The following IQCM variants were observed in gnomAD, a reference collection of about 807,000 sequenced individuals.
IQCM encodes the protein IQ motif containing M, also known as IQ domain-containing protein M.
A neutral mutation model predicts 57.6 loss-of-function variants in IQCM; 45 were observed. The observed-to-expected ratio is 0.78, with a 90% CI of 0.62 to 1.00. The LOEUF (loss-of-function observed/expected upper bound fraction) is 1.00. Among genes scored for constraint, IQCM ranks in the 50% least tolerant of loss-of-function variants. The probability of loss-of-function intolerance (pLI) is 0.00; values close to 1 mark genes in which losing one functional copy is unlikely to be tolerated. For missense variants in IQCM, 468 were observed against 511.6 expected, an observed-to-expected ratio of 0.91 and a Z score of 0.82; for synonymous variants, 148 against 158.9, an observed-to-expected ratio of 0.93 and a Z score of 0.51.
intron 5 of IQCM, among the ~76,000 whole-genome samples, chr4:149,726,003 G>A (rs1258484882): frequency 6.6e-6 from 1 of 150,536 alleles, no homozygotes; most frequent in Non-Finnish European, 1.5e-5. Flanking sequence ...ACATACCCTA[G>A]GGCTTTAGGC....
chr4:149,440,049 T>C (rs546462172), intron 12 of IQCM, among the ~76,000 whole-genome samples: 1 of 150,210 alleles, frequency 6.7e-6, no homozygotes, highest in African/African-American at 2.4e-5. Flanking sequence ...CTCTGCTTCC[T>C]GGGTTCTAGC....
chr4:149,358,880 A>ATATACTCTCATGAGTATATCATGATAT, intron 13 of IQCM, among the ~76,000 whole-genome samples: 1 of 151,092 alleles, frequency 6.6e-6, no homozygotes, highest in Non-Finnish European at 1.5e-5. Flanking sequence ...GTATATCATG[A>ATATACTCTCATGAGTATATCATGATAT]GACCACAGTG....
intron 12 of IQCM, among the ~76,000 whole-genome samples, chr4:149,507,034 T>A (rs1743892173): frequency 2.0e-5 from 3 of 151,950 alleles, no homozygotes; most frequent in African/African-American, 7.2e-5. Context: ...ATAGTTCTCA[T>A]GAGATCTGAT....
At chr4:149,811,552 A>G (rs1244621547) in intron 2 of IQCM, among the ~76,000 whole-genome samples, 1 of 152,176 alleles carries the variant, frequency 6.6e-6, no homozygotes, top group African/African-American at 2.4e-5. Context: ...ACAATATGTC[A>G]AAGTTTATCT....
chr4:149,626,926 G>GA (rs1387619740), intron 7 of IQCM, among the ~76,000 whole-genome samples: 1 of 151,264 alleles, frequency 6.6e-6, no homozygotes, highest in Non-Finnish European at 1.5e-5. Flanking sequence ...ATCTCCCAAG[G>GA]AAAAAAATAC....
chr4:149,766,940 G>A (rs1770120766), intron 2 of IQCM, among the ~76,000 whole-genome samples: 1 of 151,938 alleles, frequency 6.6e-6, no homozygotes, highest in Admixed American at 6.6e-5. Context: ...AAACCTAATA[G>A]TAGTAATCAT....
chr4:149,518,862 CAT>C lies in IQCM; in HGVS notation c.1228+29591_1228+29592del, dbSNP rs761607460. Among the ~76,000 whole-genome samples, 285 of 152,134 alleles carry C rather than the reference CAT, an allele frequency of 1.9e-3. 1 individual carries two copies. The highest frequency in any genetic ancestry group is 5.8e-3 in the Admixed American group (88 of 15,282). Reference sequence around the variant, plus strand: ...TTACTTAAAGAAAGTACTATGGAAACATATAGAAAGCAACAAGGGAGGCACTC... The same window carrying C: ...TTACTTAAAGAAAGTACTATGGAAACATAGAAAGCAACAAGGGAGGCACTC... On this transcript the variant is annotated intron_variant, in intron 12 of 13. Coordinates refer to ENST00000636793, the MANE Select transcript of IQCM (RefSeq NM_001363507.2).
At chr4:149,565,850 T>C (rs1750576841) in intron 9 of IQCM, among the ~76,000 whole-genome samples, 1 of 152,188 alleles carries the variant, frequency 6.6e-6, no homozygotes, top group Admixed American at 6.6e-5. Context: ...CCTTGTACAA[T>C]ATTCTTATAA....
chr4:149,453,705 G>C (rs770117255), intron 12 of IQCM, among the ~76,000 whole-genome samples: 4 of 151,744 alleles, frequency 2.6e-5, no homozygotes, highest in Non-Finnish European at 5.9e-5. Flanking sequence ...TAATCAAAAA[G>C]ACAGAAAATA....
At chr4:149,754,212 G>A (rs1228887803) in intron 2 of IQCM, among the ~76,000 whole-genome samples, 3 of 152,170 alleles carry the variant, frequency 2.0e-5, no homozygotes, top group Non-Finnish European at 2.9e-5. Context: ...ACCTTACAGG[G>A]CAGTCCAATA....
At chr4:149,798,254 A>T (rs770720366) in intron 2 of IQCM, among the ~76,000 whole-genome samples, 49 of 152,018 alleles carry the variant, frequency 3.2e-4, no homozygotes, top group Non-Finnish European at 6.5e-4. Context: ...TTTTGCAAAC[A>T]GTGTTAGGTT....
intron 12 of IQCM, among the ~76,000 whole-genome samples, chr4:149,441,097 G>C (rs1172450186): frequency 3.3e-5 from 5 of 152,070 alleles, no homozygotes. Context: ...ACAATGCCAA[G>C]ATAAAGTATA....
chr4:149,749,482 A>G (rs1768229139), intron 2 of IQCM, among the ~76,000 whole-genome samples: 1 of 152,146 alleles, frequency 6.6e-6, no homozygotes, highest in African/African-American at 2.4e-5. Flanking sequence ...AAAACAGGCC[A>G]AACTTACTAA....
At chr4:149,481,717 T>TTTG (rs1740898505) in intron 12 of IQCM, among the ~76,000 whole-genome samples, 1 of 136,384 alleles carries the variant, frequency 7.3e-6, no homozygotes, top group African/African-American at 2.9e-5. Context: ...TTTTTTTTTT[T>TTTG]TTTTTGCTTT....
chr4:149,790,234 A>C (rs1288168438), intron 2 of IQCM: 2 of 285,722 alleles, frequency 7.0e-6, no homozygotes, highest in Non-Finnish European at 1.4e-5. Flanking sequence ...ATAATGATGC[A>C]TCTGTGAAAT....
intron 13 of IQCM, among the ~76,000 whole-genome samples, chr4:149,354,161 G>C (rs890063313): frequency 6.6e-6 from 1 of 150,930 alleles, no homozygotes; most frequent in Admixed American, 6.6e-5. Flanking sequence ...TCAGGAGATC[G>C]AGACCATCCC....
intron 12 of IQCM, among the ~76,000 whole-genome samples, chr4:149,505,373 T>C (rs1008122319): frequency 6.6e-6 from 1 of 152,192 alleles, no homozygotes; most frequent in African/African-American, 2.4e-5. Context: ...TATAGTTACA[T>C]TGTATTGACG....
intron 8 of IQCM, among the ~76,000 whole-genome samples, chr4:149,612,354 T>A (rs1391745982): frequency 6.6e-6 from 1 of 152,198 alleles, no homozygotes; most frequent in Admixed American, 6.6e-5. Flanking sequence ...AATCACTTTA[T>A]GTATGTCCAA....
intron 5 of IQCM, among the ~76,000 whole-genome samples, chr4:149,731,764 G>T (rs1359262797): frequency 6.6e-6 from 1 of 152,130 alleles, no homozygotes; most frequent in Non-Finnish European, 1.5e-5. Flanking sequence ...GGGGTAGCAA[G>T]GTTAAAAACA....
Sources: allele counts gnomAD v4.1 joint callset (sites outside exome capture counted in the v4.1 genomes callset), GRCh38; gene constraint gnomAD v4.1.1; transcripts MANE v1.5; gene names NCBI Gene and HGNC (gene_info 2026-07-23, HGNC 2026-07-21).